Variants in RHCE observed in about 807,000 individuals in gnomAD.
RHCE encodes the protein Rh blood group CcEe antigens.
RHCE carries 22 observed loss-of-function variants against 43.8 expected under a neutral mutation model. That is an observed-to-expected ratio of 0.50 (90% CI 0.36 to 0.72). The LOEUF is 0.72. RHCE is among the 30% of genes least tolerant of loss of function. The pLI is 0.00. For synonymous variants in RHCE, 156 were observed against 210.7 expected, an observed-to-expected ratio of 0.74 and a Z score of 2.25; for missense variants, 385 against 525.4, an observed-to-expected ratio of 0.73 and a Z score of 2.61.
intron 5 of RHCE, 105 bp downstream of exon 5, chr1:25,390,644 C>A (rs1477853151): frequency 3.0e-6 from 4 of 1,321,462 alleles, no homozygotes; most frequent in Admixed American, 3.5e-5. Flanking sequence ...CACCACCCGG[C>A]ATGCCCTCTC....
At chr1:25,362,717 C>T (rs368636857) in intron 9 of RHCE, among the ~76,000 whole-genome samples, 164 bp from the exon 10 acceptor site, 6 of 60,974 alleles carry the variant, frequency 9.8e-5, no homozygotes, top group African/African-American at 4.0e-4. Context: ...TTTCATCTAA[C>T]GTTTTACATG....
In RHCE at chr1:25,408,867, C is replaced by G; in HGVS notation, c.151G>C (p.Gly51Arg). ...QKGLVASYQVGQDLTVMAALG... is the reference protein window; with the variant it reads ...QKGLVASYQVRQDLTVMAALG... The stretch of plus-strand genomic sequence containing the variant: ...GCCGCCATCACGGTCAGATCTTGGC[C>G]GACTGCTCGGTGGGGAGATGGTGAG... Residue 51 changes from glycine (G) to arginine (R), a missense_variant and splice_region_variant, in exon 2 of 10, where the codon GGC (glycine) becomes CGC (arginine). Physicochemically the swap from Gly to Arg is moderately radical, Grantham distance 125 (BLOSUM62 -2). Coordinates refer to ENST00000294413, the MANE Select transcript of RHCE (RefSeq NM_020485.8). 1 of 1,282,920 alleles carries G rather than the reference C, an allele frequency of 7.8e-7. No individual in the cohort carries two copies. The highest frequency in any genetic ancestry group is 1.0e-6 in the Non-Finnish European group (1 of 962,734). The allele number at this position is 1,282,920 out of a possible 1,614,324, so 79.5% of individuals were successfully genotyped here. A position where few individuals can be genotyped will look rare whatever the true frequency, so the allele number is the denominator to read the frequency against.
chr1:25,392,263 G>A (rs1646395801), intron 3 of RHCE, 122 bp from the exon 4 acceptor site: 1 of 1,530,902 alleles, frequency 6.5e-7, no homozygotes, highest in Non-Finnish European at 9.0e-7. Flanking sequence ...CCACGAGACT[G>A]GTGTTCAGAG....
At chr1:25,418,627 G>C (rs1333442588) in intron 1 of RHCE, among the ~76,000 whole-genome samples, 1 of 152,214 alleles carries the variant, frequency 6.6e-6, no homozygotes, top group African/African-American at 2.4e-5. Context: ...TTAGGCTACA[G>C]GGCAATGCAA....
At chr1:25,371,074 T>A (rs1645597866) in intron 8 of RHCE, among the ~76,000 whole-genome samples, 1 of 150,794 alleles carries the variant, frequency 6.6e-6, no homozygotes. Flanking sequence ...AAACAATTTT[T>A]TTTTTTTTGA....
chr1:25,412,835 G>T (rs932820914), intron 1 of RHCE, among the ~76,000 whole-genome samples: 1 of 151,646 alleles, frequency 6.6e-6, no homozygotes, highest in African/African-American at 2.4e-5. Flanking sequence ...GACCAGCCTG[G>T]CCAACATGGT....
At chr1:25,379,848 A>G (rs941723571) in intron 7 of RHCE, among the ~76,000 whole-genome samples, 3 of 151,736 alleles carry the variant, frequency 2.0e-5, no homozygotes, top group Non-Finnish European at 2.9e-5. Flanking sequence ...CTAACTTTTT[A>G]TTTTTATTTT....
In RHCE at chr1:25,368,144, T is replaced by C. The variant is rs1168577701; in HGVS notation, c.1227+2323A>G. On this transcript the variant is annotated intron_variant, in intron 9 of 9. Coordinates refer to ENST00000294413, the MANE Select transcript of RHCE (RefSeq NM_020485.8). Reference sequence around the variant, plus strand: ...TTGATGGTGGTGATGGTCTCTTCAGTGTATAAATACGTTAAAATGTATCAA... The same window carrying C: ...TTGATGGTGGTGATGGTCTCTTCAGCGTATAAATACGTTAAAATGTATCAA... 6.7e-5 allele frequency among the ~76,000 whole-genome samples: 10 copies of C among 148,822 alleles called. No individual in the cohort carries two copies. In the East Asian group the frequency reaches 1.6e-3, roughly 23 times the overall value.
intron 7 of RHCE, among the ~76,000 whole-genome samples, chr1:25,382,451 G>A (rs554117357): frequency 1.4e-5 from 2 of 139,874 alleles, no homozygotes; most frequent in Non-Finnish European, 3.0e-5. Context: ...TATAAGTTGG[G>A]TTTTTTTTTT....
intron 6 of RHCE, 137 bp downstream of exon 6, chr1:25,388,839 C>T (rs1194985256): frequency 2.1e-5 from 29 of 1,414,610 alleles, no homozygotes; most frequent in Admixed American, 9.6e-5. Context: ...ATGGATCCCT[C>T]GCTAGGCGTT....
In RHCE at chr1:25,393,982, TTTTA is replaced by T. The variant is rs537910205; in HGVS notation, c.487-1845_487-1842del. ...ACTAAAAAGTCTGTCTGCTTTTTAT[TTTTA>T]TTTATTTATTTATTTATTTTTGAGA... On this transcript the variant is annotated intron_variant, in intron 3 of 9. Transcript: ENST00000294413. Among the ~76,000 whole-genome samples the T allele has an allele frequency of 6.4e-3, 968 of 152,180 alleles. 15 individuals are homozygous for T. The highest frequency in any genetic ancestry group is 9.3e-3 in the Non-Finnish European group (629 of 67,990).
chr1:25,373,453 A>G (rs1465122231), intron 8 of RHCE, among the ~76,000 whole-genome samples: 1 of 151,772 alleles, frequency 6.6e-6, no homozygotes, highest in Non-Finnish European at 1.5e-5. Context: ...TAACTTACGG[A>G]ATTAACTCTA....
In RHCE at chr1:25,406,827, G is replaced by A. The variant is rs1406169575; in HGVS notation, c.335+1856C>T. 8.5e-5 allele frequency among the ~76,000 whole-genome samples: 10 copies of A among 117,206 alleles called. 2 individuals carry two copies. The highest frequency in any genetic ancestry group is 1.3e-4 in the Non-Finnish European group (7 of 51,952). 76.9% of individuals were successfully genotyped at this position (117,206 alleles called of 152,430 possible). ...TGTTTAGTCGAGACAGGGTTTCTCC[G>A]AGTTAGCCAGGATGGTCTCCATCTC... On this transcript the variant is annotated intron_variant, in intron 2 of 9. Coordinates refer to ENST00000294413, the MANE Select transcript of RHCE (RefSeq NM_020485.8).
intron 3 of RHCE, among the ~76,000 whole-genome samples, chr1:25,392,402 C>T (rs1646401558): frequency 6.6e-6 from 1 of 152,082 alleles, no homozygotes; most frequent in South Asian, 2.1e-4. Context: ...GCTGGGATTA[C>T]AGGCATGCGC....
intron 6 of RHCE, among the ~76,000 whole-genome samples, chr1:25,387,287 G>A (rs1646204463): frequency 6.6e-6 from 1 of 152,174 alleles, no homozygotes; most frequent in African/African-American, 2.4e-5. Flanking sequence ...ACACTTGGCT[G>A]TCAACCGTTT....
chr1:25,376,958 G>A (rs1327267538), intron 7 of RHCE, among the ~76,000 whole-genome samples: 1 of 151,906 alleles, frequency 6.6e-6, no homozygotes, highest in Non-Finnish European at 1.5e-5. Flanking sequence ...GATAAAAAGA[G>A]TTGCCACCCT....
At position 25,376,439 on chromosome 1, in the gene RHCE, T is replaced by G. The variant is rs562209847; in HGVS notation, c.1074-1011A>C. On this transcript the variant is annotated intron_variant, in intron 7 of 9. Transcript: ENST00000294413. Reference sequence around the variant, plus strand: ...GGTGGGCAGCTCATGTTCTCATTTTTAAGACAAAGGAAAGCTCCAAGCCTG... The same window carrying G: ...GGTGGGCAGCTCATGTTCTCATTTTGAAGACAAAGGAAAGCTCCAAGCCTG... 2.0e-5 allele frequency among the ~76,000 whole-genome samples: 3 copies of G among 152,348 alleles called. No individual in the cohort carries two copies. In the East Asian group the frequency reaches 5.8e-4, roughly 29 times the overall value.
At chr1:25,406,310 T>TTTTTG (rs756652961) in intron 2 of RHCE, among the ~76,000 whole-genome samples, 1 of 120,192 alleles carries the variant, frequency 8.3e-6, no homozygotes, top group African/African-American at 2.6e-5. Flanking sequence ...TCTAAGATGG[T>TTTTTG]TTTTGTTTTG....
chr1:25,390,742 T>C lies in RHCE; in HGVS notation c.801+7A>G, dbSNP rs1180957560. 1.2e-6 allele frequency: 2 copies of C among 1,614,104 alleles called. No individual in the cohort carries two copies. Among genetic ancestry groups the C allele is most frequent in the Admixed American group, 3.3e-5 (2 of 60,010 alleles). On this transcript the variant is annotated splice_region_variant and intron_variant, in intron 5 of 9. Transcript: ENST00000294413. ...CAAGTGCTGCCCAAGGGCAGCGCCC[T>C]GCTCACCATGCTGATCTTCCTTTGG... is the stretch of plus-strand genomic sequence containing the variant.
Sources: gnomAD v4.1 joint callset for allele counts (sites outside exome capture counted in the v4.1 genomes callset) on GRCh38, gnomAD v4.1.1 for gene constraint, MANE v1.5 for transcripts, NCBI Gene and HGNC (gene_info 2026-07-23, HGNC 2026-07-21) for gene names.